The following ZC3H7A variants were observed in gnomAD, a reference collection of about 807,000 sequenced individuals.
ZC3H7A encodes the protein zinc finger CCCH-type containing 7A.
In ZC3H7A, 44 loss-of-function variants were observed where a neutral mutation model predicts 125.5. That is an observed-to-expected ratio of 0.35 (90% CI 0.28 to 0.45). The LOEUF (loss-of-function observed/expected upper bound fraction) is 0.45. ZC3H7A is among the 20% of genes least tolerant of loss of function. The pLI is 1.00. For synonymous variants in ZC3H7A, 399 were observed against 391.2 expected, an observed-to-expected ratio of 1.02 and a Z score of -0.23; for missense variants, 977 against 1,170.7, an observed-to-expected ratio of 0.83 and a Z score of 2.41.
chr16:11,758,704 T>C, intron 19 of ZC3H7A, 165 bp from the exon 20 acceptor site: 1 of 579,576 alleles, frequency 1.7e-6, no homozygotes, highest in South Asian at 2.2e-5. Context: ...ATGCTCTAAA[T>C]ATATGAAATG....
At chr16:11,752,418 T>A (rs1460395837) in intron 22 of ZC3H7A, among the ~76,000 whole-genome samples, 1 of 152,240 alleles carries the variant, frequency 6.6e-6, no homozygotes, top group Non-Finnish European at 1.5e-5. Context: ...GCTTCTCTAT[T>A]CAATTATCCT....
chr16:11,784,281 T>A (rs2053219625), intron 1 of ZC3H7A, among the ~76,000 whole-genome samples: 1 of 152,154 alleles, frequency 6.6e-6, no homozygotes, highest in Admixed American at 6.5e-5. Flanking sequence ...CCCTTCTAGC[T>A]ACTTGGACAT....
intron 7 of ZC3H7A, 139 bp from the exon 8 acceptor site, chr16:11,775,152 C>A (rs755653920): frequency 1.1e-4 from 91 of 815,352 alleles, no homozygotes; most frequent in Non-Finnish European, 1.6e-4. Flanking sequence ...ACAGGCAGAT[C>A]ACGAGGTCAG....
At chr16:11,791,009 G>A (rs1390141566) in intron 1 of ZC3H7A, among the ~76,000 whole-genome samples, 1 of 150,088 alleles carries the variant, frequency 6.7e-6, no homozygotes, top group Non-Finnish European at 1.5e-5. Context: ...GGTCTTCAAG[G>A]CTCAGCAAGC....
At chr16:11,792,052 C>T (rs944067419) in intron 1 of ZC3H7A, among the ~76,000 whole-genome samples, 2 of 152,132 alleles carry the variant, frequency 1.3e-5, no homozygotes, top group African/African-American at 2.4e-5. Flanking sequence ...GAACTACAAG[C>T]ACATGCCACT....
chr16:11,787,663 T>A (rs1048267201), intron 1 of ZC3H7A, among the ~76,000 whole-genome samples: 1 of 152,014 alleles, frequency 6.6e-6, no homozygotes, highest in Non-Finnish European at 1.5e-5. Flanking sequence ...GCACAGGGAC[T>A]GGCCAGGCAC....
At chr16:11,787,275 C>G (rs11649676) in intron 1 of ZC3H7A, among the ~76,000 whole-genome samples, 12,315 of 152,162 alleles carry the variant, frequency 0.081, 608 homozygotes, top group African/African-American at 0.13. Context: ...TACAACCCAA[C>G]CTGGGCAACA....
chr16:11,768,472 T>G lies in ZC3H7A; in HGVS notation c.1203A>C (p.Ser401=). 1.3e-6 allele frequency: 2 copies of G among 1,497,006 alleles called. No individual in the cohort carries two copies. Among genetic ancestry groups the G allele is most frequent in the East Asian group, 4.8e-5 (2 of 41,930 alleles). 92.7% of individuals were successfully genotyped at this position (1,497,006 alleles called of 1,614,324 possible). ...GACTTGAAATTCCCAGGAAATTCTC[T>G]GAAGCAAACAAACTACCTGGTCCAT... ...LMNGPGSLFA[S]ENFLGISSQP... Residue 401 remains serine, a synonymous_variant, in exon 12 of 23, where the codon TCA becomes TCC. Coordinates refer to ENST00000355758, the MANE Select transcript of ZC3H7A (RefSeq NM_014153.4).
intron 16 of ZC3H7A, chr16:11,763,111 TTG>T: frequency 3.9e-6 from 1 of 258,744 alleles, no homozygotes; most frequent in Admixed American, 5.1e-5. Flanking sequence ...AAATTCCTTT[TTG>T]TTTTTTTTTT....
chr16:11,780,198 T>C (rs541609413), intron 3 of ZC3H7A, among the ~76,000 whole-genome samples: 10 of 151,828 alleles, frequency 6.6e-5, no homozygotes, highest in Middle Eastern at 3.4e-3. Flanking sequence ...CTCGGCTCTC[T>C]GCGACTTCAC....
chr16:11,794,928 G>A lies in ZC3H7A; in HGVS notation c.-35+2196C>T, dbSNP rs575224109. On this transcript the variant is annotated intron_variant, in intron 1 of 22. Coordinates refer to ENST00000355758, the MANE Select transcript of ZC3H7A (RefSeq NM_014153.4). ...TGTAGGTCTGTGTAAAACCCCCAACGAAAAGTCACAGTAACATGAAGAAAG... is the reference window on the plus strand; with the variant it reads ...TGTAGGTCTGTGTAAAACCCCCAACAAAAAGTCACAGTAACATGAAGAAAG... Among the ~76,000 whole-genome samples the A allele has an allele frequency of 7.3e-5, 11 of 151,234 alleles. No individual in the cohort carries two copies. In the East Asian group the frequency reaches 9.9e-4, roughly 14 times the overall value.
intron 11 of ZC3H7A, 62 bp from the exon 12 acceptor site, chr16:11,768,563 A>G: frequency 7.4e-7 from 1 of 1,347,288 alleles, no homozygotes. Flanking sequence ...TTATCACTGA[A>G]GAAAGGAACT....
chr16:11,782,603 T>A, intron 1 of ZC3H7A: 9 of 142,656 alleles, frequency 6.3e-5, no homozygotes, highest in Non-Finnish European at 9.7e-5. Context: ...TTCATATTCT[T>A]TTTTTTTTTT....
At chr16:11,758,730 T>C (rs2052693715) in intron 19 of ZC3H7A, 191 bp from the exon 20 acceptor site, 1 of 530,642 alleles carries the variant, frequency 1.9e-6, no homozygotes, top group South Asian at 2.4e-5. Flanking sequence ...AAGGTTTCTA[T>C]CTCAAAATTT....
At chr16:11,779,906 T>C (rs956997165) in intron 3 of ZC3H7A, among the ~76,000 whole-genome samples, 2 of 152,086 alleles carry the variant, frequency 1.3e-5, no homozygotes, top group Admixed American at 6.5e-5. Context: ...TCTTTGTATG[T>C]GCATGTCTTT....
At chr16:11,782,640 C>T (rs2053191908) in intron 1 of ZC3H7A, 3 of 250,978 alleles carry the variant, frequency 1.2e-5, no homozygotes, top group Non-Finnish European at 2.2e-5. Flanking sequence ...CGGAGTCTCG[C>T]TCCATTGCCC....
At chr16:11,796,861 TGGCA>T (rs1406164267) in intron 1 of ZC3H7A, 3 of 150,524 alleles carry the variant, frequency 2.0e-5, no homozygotes, top group Admixed American at 2.0e-4. Context: ...GCCGAGGGAA[TGGCA>T]GGCAGAAGTG....
chr16:11,758,382 G>C, intron 20 of ZC3H7A, 49 bp downstream of exon 20: 1 of 1,397,626 alleles, frequency 7.2e-7, no homozygotes, highest in Non-Finnish European at 1.0e-6. Context: ...GAGAGGAAAA[G>C]AACTTTCAGG....
intron 10 of ZC3H7A, among the ~76,000 whole-genome samples, chr16:11,769,814 G>C (rs1455419514): frequency 8.2e-5 from 4 of 49,054 alleles, no homozygotes; most frequent in Non-Finnish European, 1.3e-4. Context: ...TTTTGAGAAA[G>C]GGTCTCATTC....
Sources: gnomAD v4.1 joint callset for allele counts (sites outside exome capture counted in the v4.1 genomes callset) on GRCh38, gnomAD v4.1.1 for gene constraint, MANE v1.5 for transcripts, NCBI Gene and HGNC (gene_info 2026-07-23, HGNC 2026-07-21) for gene names.